The following OR4F16 variants were observed in gnomAD, a reference collection of about 807,000 sequenced individuals.
The protein encoded by OR4F16 is olfactory receptor family 4 subfamily F member 16.
the OR4F16 span, among the ~76,000 whole-genome samples, chr1:715,775 T>G: frequency 6.8e-6 from 1 of 146,776 alleles, no homozygotes; most frequent in Non-Finnish European, 1.5e-5. Flanking sequence ...AAGGCTGCAA[T>G]GAGCTGTGAT....
chr1:691,546 TA>T (rs1643067017), upstream of OR4F16, among the ~76,000 whole-genome samples: 1 of 144,906 alleles, frequency 6.9e-6, no homozygotes, highest in Non-Finnish European at 1.5e-5. Flanking sequence ...ATTCCTCACA[TA>T]AAAAGAAAAA....
the OR4F16 span, among the ~76,000 whole-genome samples, chr1:715,759 G>C: frequency 7.1e-6 from 1 of 141,296 alleles, no homozygotes. Context: ...TTGAGTCTGG[G>C]AGGTCAAGGC....
the OR4F16 span, among the ~76,000 whole-genome samples, chr1:715,816 A>T: frequency 1.3e-5 from 2 of 150,816 alleles, no homozygotes; most frequent in African/African-American, 2.5e-5. Context: ...TGGGTGGTAG[A>T]GTAAGACCCT....
chr1:712,027 C>T, the OR4F16 span: 1 of 101,490 alleles, frequency 9.9e-6, no homozygotes, highest in Non-Finnish European at 1.8e-5. Context: ...ATATCTATTA[C>T]ATATATATTA....
At chr1:715,778 G>A in the OR4F16 span, among the ~76,000 whole-genome samples, 1 of 148,036 alleles carries the variant, frequency 6.8e-6, no homozygotes, top group Non-Finnish European at 1.5e-5. Flanking sequence ...GCTGCAATGA[G>A]CTGTGATTGC....
At chr1:679,936 T>C in the OR4F16 span, among the ~76,000 whole-genome samples, 1 of 134,156 alleles carries the variant, frequency 7.5e-6, no homozygotes, top group Non-Finnish European at 1.6e-5. Context: ...CAAGCCAATA[T>C]CCCTGATGAA....
the OR4F16 span, among the ~76,000 whole-genome samples, chr1:715,869 T>G: frequency 5.3e-5 from 8 of 150,300 alleles, no homozygotes; most frequent in Admixed American, 5.3e-4. Context: ...AAATAAGACA[T>G]GTGAAGGATC....
the OR4F16 span, among the ~76,000 whole-genome samples, chr1:715,742 G>A: frequency 7.4e-6 from 1 of 134,776 alleles, no homozygotes; most frequent in Non-Finnish European, 1.6e-5. Context: ...TGAGGTGGAA[G>A]AATAGCTTGA....
chr1:715,726 G>A, the OR4F16 span, among the ~76,000 whole-genome samples: 1 of 124,512 alleles, frequency 8.0e-6, no homozygotes, highest in African/African-American at 3.2e-5. Flanking sequence ...CAGCTACTTG[G>A]GAGGCTGAGG....
chr1:713,418 C>G, the OR4F16 span, among the ~76,000 whole-genome samples: 1 of 115,886 alleles, frequency 8.6e-6, no homozygotes, highest in African/African-American at 4.6e-5. Flanking sequence ...GTTGTACTTT[C>G]ACAAAAATTC....
chr1:708,414 T>TA, the OR4F16 span, among the ~76,000 whole-genome samples: 14 of 144,536 alleles, frequency 9.7e-5, no homozygotes, highest in Non-Finnish European at 1.9e-4. Flanking sequence ...TAAAACATGT[T>TA]ATTGAGCTTA....
At chr1:709,741 AACTT>A in the OR4F16 span, among the ~76,000 whole-genome samples, 1 of 21,346 alleles carries the variant, frequency 4.7e-5, no homozygotes, top group African/African-American at 1.1e-4. Context: ...ACTCAAGAGA[AACTT>A]ACAGGAGTGG....
At chr1:690,063 G>C (rs535793412), upstream of OR4F16, among the ~76,000 whole-genome samples, 1 of 129,476 alleles carries the variant, frequency 7.7e-6, no homozygotes, top group Non-Finnish European at 1.6e-5. Context: ...CATTTAAAGG[G>C]GGAGAGAAAG....
At chr1:713,522 A>G in the OR4F16 span, among the ~76,000 whole-genome samples, 2 of 138,186 alleles carry the variant, frequency 1.4e-5, no homozygotes, top group South Asian at 4.3e-4. Context: ...GATCTATCTC[A>G]ACTGCTTCTA....
At chr1:682,324 T>TA (rs1335764857), downstream of OR4F16, among the ~76,000 whole-genome samples, 5 of 38,236 alleles carry the variant, frequency 1.3e-4, no homozygotes, top group Non-Finnish European at 1.7e-4. Context: ...AAATATAATT[T>TA]AAAAAAAAAT....
At chr1:701,348 T>TA in the OR4F16 span, among the ~76,000 whole-genome samples, 7 of 149,718 alleles carry the variant, frequency 4.7e-5, 1 homozygote, top group East Asian at 2.0e-4. Flanking sequence ...TGGAATGATA[T>TA]AAAAAATAGG....
upstream of OR4F16, among the ~76,000 whole-genome samples, chr1:690,125 G>A (rs1188536483): frequency 3.6e-4 from 38 of 106,010 alleles, no homozygotes; most frequent in African/African-American, 1.4e-3. Context: ...TCTTTGAAAA[G>A]CACAGATGAT....
the OR4F16 span, chr1:711,962 ATAT>A: frequency 1.9e-5 from 2 of 104,866 alleles, no homozygotes; most frequent in Non-Finnish European, 3.3e-5. Flanking sequence ...GGAAAGTTAT[ATAT>A]TATATATCTA....
chr1:711,959 TATA>T, the OR4F16 span: 1 of 102,634 alleles, frequency 9.7e-6, no homozygotes, highest in African/African-American at 4.4e-5. Flanking sequence ...CATGGAAAGT[TATA>T]TATTATATAT....
Sources: allele counts gnomAD v4.1 joint callset (sites outside exome capture counted in the v4.1 genomes callset), GRCh38; gene constraint gnomAD v4.1.1; transcripts MANE v1.5; gene names NCBI Gene and HGNC (gene_info 2026-07-23, HGNC 2026-07-21).